DHX32: variants seen among roughly 807,000 people sequenced by gnomAD.
DHX32 encodes the protein DEAH-box helicase 32 (putative).
Under a neutral mutation model 70.0 loss-of-function variants are expected in DHX32, and 51 were observed. The ratio of observed to expected loss-of-function variants is 0.73; its 90% CI spans 0.58 to 0.92. DHX32 has a LOEUF of 0.92. Among genes scored for constraint, DHX32 ranks in the 40% least tolerant of loss-of-function variants. DHX32 has a pLI of 0.00. For missense variants in DHX32, 762 were observed against 891.8 expected (o/e 0.85, Z 1.85); for synonymous variants, 310 against 315.3 (o/e 0.98, Z 0.18).
chr10:125,855,124 A>G (rs1944134791), intron 3 of DHX32, among the ~76,000 whole-genome samples: 4 of 151,342 alleles, frequency 2.6e-5, no homozygotes, highest in African/African-American at 4.9e-5. Flanking sequence ...CACAAGGCTG[A>G]GGCAGGAGAA....
intron 1 of DHX32, among the ~76,000 whole-genome samples, chr10:125,887,856 T>G (rs1463094696): frequency 1.3e-5 from 2 of 152,174 alleles, no homozygotes; most frequent in Non-Finnish European, 2.9e-5. Context: ...GGTAACAGTT[T>G]ATGGCAAAAG....
chr10:125,864,964 A>G (rs569533707), intron 2 of DHX32, among the ~76,000 whole-genome samples: 2,264 of 144,744 alleles, frequency 0.016, 78 homozygotes, highest in African/African-American at 0.056. Context: ...AAAAAAAAAA[A>G]AAAGAAAGAA....
intron 1 of DHX32, among the ~76,000 whole-genome samples, chr10:125,875,895 A>G (rs1202749880): frequency 1.3e-5 from 2 of 152,240 alleles, no homozygotes; most frequent in Non-Finnish European, 2.9e-5. Context: ...AAAGGACACC[A>G]GGTTAGGAGG....
chr10:125,865,326 A>G (rs1037168338), intron 2 of DHX32, among the ~76,000 whole-genome samples: 2 of 152,188 alleles, frequency 1.3e-5, no homozygotes, highest in African/African-American at 4.8e-5. Context: ...ACAATCAGCA[A>G]TTTATAAATA....
chr10:125,886,877 G>A (rs1944343526), intron 1 of DHX32, among the ~76,000 whole-genome samples: 1 of 152,294 alleles, frequency 6.6e-6, no homozygotes, highest in South Asian at 2.1e-4. Flanking sequence ...TGCACATGCT[G>A]AGGAGGCAAC....
chr10:125,878,854 G>A (rs189795004), intron 1 of DHX32, among the ~76,000 whole-genome samples: 8 of 151,318 alleles, frequency 5.3e-5, no homozygotes, highest in African/African-American at 1.7e-4. Context: ...GACTACAGGT[G>A]TGCATCACCA....
chr10:125,891,403 A>T (rs1944370495), intron 1 of DHX32, among the ~76,000 whole-genome samples: 1 of 152,296 alleles, frequency 6.6e-6, no homozygotes, highest in Non-Finnish European at 1.5e-5. Context: ...CAACTTCTAA[A>T]GTTACATTTT....
At chr10:125,883,181 T>C (rs1382210568), upstream of DHX32, among the ~76,000 whole-genome samples, 4 of 152,230 alleles carry the variant, frequency 2.6e-5, no homozygotes. Flanking sequence ...TCTAAAGACC[T>C]GAGACTTACC....
chr10:125,882,112 C>T (rs1944320813), upstream of DHX32, among the ~76,000 whole-genome samples: 1 of 152,144 alleles, frequency 6.6e-6, no homozygotes, highest in Non-Finnish European at 1.5e-5. Context: ...AAGATTTATA[C>T]CAATAACTCA....
intron 1 of DHX32, chr10:125,890,538 A>ATTTTTT (rs1944364282): frequency 9.1e-6 from 1 of 110,120 alleles, no homozygotes; most frequent in African/African-American, 3.5e-5. Context: ...CTTTTTAAAA[A>ATTTTTT]TAAAAAAGGT....
At chr10:125,853,923 C>T (rs552011535) in intron 4 of DHX32, 38 bp downstream of exon 4, 13 of 1,587,508 alleles carry the variant, frequency 8.2e-6, no homozygotes, top group African/African-American at 2.7e-5. Context: ...TGCTTGACAA[C>T]GATCAGCAGT....
chr10:125,892,644 A>G (rs1944378164), intron 1 of DHX32, among the ~76,000 whole-genome samples: 1 of 152,204 alleles, frequency 6.6e-6, no homozygotes, highest in Non-Finnish European at 1.5e-5. Context: ...CCTTTATGAC[A>G]TGCAATTCCA....
At chr10:125,851,451 T>G (rs1455871279) in intron 6 of DHX32, among the ~76,000 whole-genome samples, 1 of 152,162 alleles carries the variant, frequency 6.6e-6, no homozygotes, top group Non-Finnish European at 1.5e-5. Flanking sequence ...AGCCTTCCTT[T>G]TCTTCTCCCT....
At position 125,838,892 on chromosome 10, in the gene DHX32, T is replaced by G. The variant is rs1451658123; in HGVS notation, c.1881+109A>C. The G allele has an allele frequency of 2.4e-6, 3 of 1,245,368 alleles. No individual in the cohort carries two copies. The Admixed American group carries it at 7.1e-5, about 30-fold the overall frequency. 77.1% of individuals were successfully genotyped at this position (1,245,368 alleles called of 1,614,324 possible). A position where few individuals can be genotyped will look rare whatever the true frequency, so the allele number is the denominator to read the frequency against. Reference sequence around the variant, plus strand: ...AAATCTTTAATAATAACATGGATTTTTAGTTTTACTTAATGTCAAAATCAT... The same window carrying G: ...AAATCTTTAATAATAACATGGATTTGTAGTTTTACTTAATGTCAAAATCAT... On this transcript the variant is annotated intron_variant, in intron 9 of 10. Transcript: ENST00000284690.
At chr10:125,889,592 A>C (rs1944358186) in intron 1 of DHX32, among the ~76,000 whole-genome samples, 2 of 152,290 alleles carry the variant, frequency 1.3e-5, no homozygotes, top group Admixed American at 1.3e-4. Context: ...AACAGTAATC[A>C]GTATGTTTAG....
chr10:125,843,294 G>T (rs183280379), intron 6 of DHX32, among the ~76,000 whole-genome samples: 1 of 152,166 alleles, frequency 6.6e-6, no homozygotes, highest in African/African-American at 2.4e-5. Context: ...ATTTTCTTAT[G>T]TGCTGTCTAA....
At chr10:125,877,556 G>A (rs1272582564) in intron 1 of DHX32, among the ~76,000 whole-genome samples, 3 of 152,100 alleles carry the variant, frequency 2.0e-5, no homozygotes, top group Admixed American at 6.6e-5. Context: ...GCATGATGGT[G>A]CATGCCTGTA....
At chr10:125,876,607 CT>C (rs1944285160) in intron 1 of DHX32, among the ~76,000 whole-genome samples, 1 of 152,168 alleles carries the variant, frequency 6.6e-6, no homozygotes, top group South Asian at 2.1e-4. Context: ...GTGTGATCTT[CT>C]TGCCACAAAT....
Position 125,862,455 on chromosome 10 carries a change from G to A in DHX32, c.477-2480C>T, listed in dbSNP as rs192748595. On this transcript the variant is annotated intron_variant, in intron 2 of 10. Coordinates refer to ENST00000284690, the MANE Select transcript of DHX32 (RefSeq NM_018180.3). Reference sequence around the variant, plus strand: ...TTTCAATTTTTTTTTTTTTGCTGAGGCTAATTAGAGATTTAATTTCTAATG... The same window carrying A: ...TTTCAATTTTTTTTTTTTTGCTGAGACTAATTAGAGATTTAATTTCTAATG... Among the ~76,000 whole-genome samples, 64 of 151,262 alleles carry A rather than the reference G, an allele frequency of 4.2e-4. 1 individual carries two copies. In the East Asian group the frequency reaches 7.7e-3, roughly 18 times the overall value.
Sources: gnomAD v4.1 joint callset for allele counts (sites outside exome capture counted in the v4.1 genomes callset) on GRCh38, gnomAD v4.1.1 for gene constraint, MANE v1.5 for transcripts, NCBI Gene and HGNC (gene_info 2026-07-23, HGNC 2026-07-21) for gene names.